SYNDIG1: variants seen among roughly 807,000 people sequenced by gnomAD.
SYNDIG1 encodes the protein synapse differentiation inducing 1, also known as synapse differentiation-inducing gene protein 1.
Under a neutral mutation model 19.4 loss-of-function variants are expected in SYNDIG1, and 9 were observed. That is an observed-to-expected ratio of 0.46 (90% confidence interval 0.28 to 0.81). The LOEUF (loss-of-function observed/expected upper bound fraction) is 0.81, where lower values mean the gene tolerates loss of function less well. SYNDIG1 is among the 30% of genes least tolerant of loss of function. SYNDIG1 has a pLI of 0.12. For synonymous variants in SYNDIG1, 141 were observed against 145.9 expected, an observed-to-expected ratio of 0.97 and a Z score of 0.24; for missense variants, 311 against 343.3, an observed-to-expected ratio of 0.91 and a Z score of 0.74.
At chr20:24,575,665 C>A (rs2058215575) in intron 2 of SYNDIG1, among the ~76,000 whole-genome samples, 2 of 151,882 alleles carry the variant, frequency 1.3e-5, no homozygotes, top group Non-Finnish European at 1.5e-5. Flanking sequence ...ATTTTATGCA[C>A]CTAACTGGAT....
At chr20:24,470,215 A>G (rs370866262) in intron 1 of SYNDIG1, among the ~76,000 whole-genome samples, 8 of 152,270 alleles carry the variant, frequency 5.3e-5, no homozygotes, top group African/African-American at 1.7e-4. Context: ...AGTGACCCGA[A>G]GGAGACCAGC....
At chr20:24,532,310 A>G (rs141782539) in intron 1 of SYNDIG1, among the ~76,000 whole-genome samples, 214 of 152,332 alleles carry the variant, frequency 1.4e-3, no homozygotes, top group African/African-American at 5.0e-3. Context: ...TGAGCCCGCC[A>G]TGAGAAGAAA....
At position 24,651,239 on chromosome 20, in the gene SYNDIG1, T is replaced by C. The variant is rs1373996146; in HGVS notation, c.619-14107T>C. ...CCTGCAAAGAGGCTGACTGTAAGCA[T>C]AGATCCTTACCAGGGCCATTCCCCA... On this transcript the variant is annotated intron_variant, in intron 3 of 3. Coordinates refer to ENST00000376862, the MANE Select transcript of SYNDIG1 (RefSeq NM_024893.3). Among the ~76,000 whole-genome samples the C allele has an allele frequency of 5.9e-5, 9 of 152,244 alleles. No homozygotes were observed. The East Asian group carries it at 1.3e-3, about 23-fold the overall frequency.
intron 3 of SYNDIG1, among the ~76,000 whole-genome samples, chr20:24,616,120 T>C (rs2058928766): frequency 6.6e-6 from 1 of 152,204 alleles, no homozygotes; most frequent in Non-Finnish European, 1.5e-5. Flanking sequence ...ACCCAAATGT[T>C]AGTTATTATT....
chr20:24,512,070 T>C (rs889883430), intron 1 of SYNDIG1, among the ~76,000 whole-genome samples: 1 of 145,240 alleles, frequency 6.9e-6, no homozygotes, highest in African/African-American at 2.6e-5. Context: ...GCTACTGATA[T>C]AGGAGAATGG....
intron 3 of SYNDIG1, among the ~76,000 whole-genome samples, chr20:24,618,698 T>C (rs1324122608): frequency 6.6e-6 from 1 of 152,222 alleles, no homozygotes; most frequent in Non-Finnish European, 1.5e-5. Context: ...CTCCACATAT[T>C]AAAGTTAATG....
intron 1 of SYNDIG1, among the ~76,000 whole-genome samples, chr20:24,524,926 A>G (rs1048439737): frequency 2.6e-5 from 4 of 152,090 alleles, no homozygotes; most frequent in African/African-American, 7.2e-5. Context: ...TTACCTTATT[A>G]ACACCTGTCA....
intron 3 of SYNDIG1, among the ~76,000 whole-genome samples, chr20:24,652,207 CCAGA>C (rs1337112415): frequency 6.6e-6 from 1 of 152,160 alleles, no homozygotes; most frequent in Non-Finnish European, 1.5e-5. Context: ...GACGGGAAAG[CCAGA>C]CAGAGGCGTT....
intron 2 of SYNDIG1, among the ~76,000 whole-genome samples, chr20:24,545,535 G>T (rs577900800): frequency 2.6e-5 from 4 of 152,292 alleles, no homozygotes; most frequent in South Asian, 2.1e-4. Flanking sequence ...TCTGAAGAGG[G>T]TCTGGGGCCC....
At chr20:24,660,809 C>T (rs1309712806) in intron 3 of SYNDIG1, among the ~76,000 whole-genome samples, 1 of 152,202 alleles carries the variant, frequency 6.6e-6, no homozygotes, top group African/African-American at 2.4e-5. Context: ...CATGTCTGGT[C>T]CCTGGAGAAC....
At chr20:24,497,812 G>C (rs2056340001) in intron 1 of SYNDIG1, among the ~76,000 whole-genome samples, 1 of 152,222 alleles carries the variant, frequency 6.6e-6, no homozygotes, top group Admixed American at 6.5e-5. Flanking sequence ...TATGGCCCCA[G>C]AGTGTATTTG....
chr20:24,650,095 C>T (rs544712337), intron 3 of SYNDIG1, among the ~76,000 whole-genome samples: 10 of 152,290 alleles, frequency 6.6e-5, no homozygotes, highest in Admixed American at 3.3e-4. Context: ...ATAGGGGTAG[C>T]ATGCAGGCAG....
chr20:24,606,459 T>G (rs1303285294), intron 3 of SYNDIG1, among the ~76,000 whole-genome samples: 1 of 152,272 alleles, frequency 6.6e-6, no homozygotes, highest in Non-Finnish European at 1.5e-5. Flanking sequence ...TCTTAGGTTC[T>G]GTTGACCTCA....
chr20:24,475,964 G>A (rs1264320892), intron 1 of SYNDIG1, among the ~76,000 whole-genome samples: 59 of 151,570 alleles, frequency 3.9e-4, no homozygotes, highest in Non-Finnish European at 5.9e-5. Flanking sequence ...GGGTTCAAGC[G>A]ATTCTTCCAC....
chr20:24,531,602 A>T (rs1003594413), intron 1 of SYNDIG1, among the ~76,000 whole-genome samples: 1 of 150,150 alleles, frequency 6.7e-6, no homozygotes, highest in Non-Finnish European at 1.5e-5. Context: ...TCAGAGCAAA[A>T]CCATCTATTA....
chr20:24,565,302 T>C, intron 2 of SYNDIG1, among the ~76,000 whole-genome samples: 1 of 152,202 alleles, frequency 6.6e-6, no homozygotes, highest in East Asian at 1.9e-4. Context: ...AAACGGAATG[T>C]ATAGCTCAGA....
intron 1 of SYNDIG1, among the ~76,000 whole-genome samples, chr20:24,502,861 C>T (rs1296076786): frequency 1.3e-5 from 2 of 152,212 alleles, no homozygotes; most frequent in African/African-American, 4.8e-5. Context: ...TCATACAGTG[C>T]CTGCTGACGT....
Position 24,589,471 on chromosome 20 carries a change from G to A in SYNDIG1, c.618+4478G>A, listed in dbSNP as rs578130772. Among the ~76,000 whole-genome samples the A allele has an allele frequency of 2.6e-5, 4 of 152,322 alleles. No individual in the cohort carries two copies. In the South Asian group the frequency reaches 8.3e-4, roughly 32 times the overall value. On this transcript the variant is annotated intron_variant, in intron 3 of 3. Transcript: ENST00000376862. Reference sequence around the variant, plus strand: ...AATTCACCATCCCCCCACCCTGCTTGGAAAGGCTTGCAGGGGAGGAAAGCC... The same window carrying A: ...AATTCACCATCCCCCCACCCTGCTTAGAAAGGCTTGCAGGGGAGGAAAGCC...
intron 3 of SYNDIG1, 40 bp downstream of exon 3, chr20:24,585,033 TTC>T: frequency 1.6e-6 from 2 of 1,221,062 alleles, no homozygotes; most frequent in Non-Finnish European, 1.1e-6. Flanking sequence ...TGTGCAGGTG[TTC>T]ACAGGGTGGG....
Sources: allele counts gnomAD v4.1 joint callset (sites outside exome capture counted in the v4.1 genomes callset), GRCh38; gene constraint gnomAD v4.1.1; transcripts MANE v1.5; gene names NCBI Gene and HGNC (gene_info 2026-07-23, HGNC 2026-07-21).